Variants in AIG1 observed in about 807,000 individuals in gnomAD.
AIG1 encodes androgen induced 1.
In AIG1, 23 loss-of-function variants were observed where a neutral mutation model predicts 31.4. The ratio of observed to expected loss-of-function variants is 0.73; its 90% CI spans 0.53 to 1.04. The LOEUF is 1.04. Among genes scored for constraint, AIG1 ranks in the 50% least tolerant of loss-of-function variants. The probability of loss-of-function intolerance (pLI) is 0.00; values close to 1 mark genes in which losing one functional copy is unlikely to be tolerated. For synonymous variants in AIG1, 100 were observed against 110.5 expected, an observed-to-expected ratio of 0.90 and a Z score of 0.60; for missense variants, 274 against 295.0, an observed-to-expected ratio of 0.93 and a Z score of 0.52.
intron 3 of AIG1, among the ~76,000 whole-genome samples, chr6:143,260,914 C>T (rs1399350983): frequency 5.9e-5 from 9 of 152,130 alleles, no homozygotes; most frequent in African/African-American, 1.9e-4. Context: ...TTCACCCCCC[C>T]GCCATCCCTT....
chr6:143,208,227 T>C (rs1791277776), intron 3 of AIG1, among the ~76,000 whole-genome samples: 2 of 152,244 alleles, frequency 1.3e-5, no homozygotes, highest in South Asian at 4.1e-4. Context: ...AAAAGGTAAA[T>C]AGGAAATAAA....
chr6:143,063,190 A>G (rs1776406957), intron 1 of AIG1, among the ~76,000 whole-genome samples: 1 of 152,240 alleles, frequency 6.6e-6, no homozygotes, highest in Non-Finnish European at 1.5e-5. Flanking sequence ...CTGTCATATA[A>G]TTTATCTTTT....
rs549136056 is a variant in AIG1 at position 143,334,253 on chromosome 6, C to T, written c.679+808C>T. 6.6e-6 allele frequency among the ~76,000 whole-genome samples: 1 copy of T among 152,324 alleles called. No homozygotes were observed. Among genetic ancestry groups the T allele is most frequent in the East Asian group, 1.9e-4 (1 of 5,180 alleles). ...AAGATGGTTTGGAGATTTTAGGAAG[C>T]CCTGGCTCTTTCCTCTGACACAATC... On this transcript the variant is annotated intron_variant, in intron 5 of 5. Coordinates refer to ENST00000357847, the MANE Select transcript of AIG1 (RefSeq NM_016108.4). This position sits in a 1 kb window ranked among gnomAD's most constrained non-coding sequence, Gnocchi z 5.1.
chr6:143,309,845 A>G (rs1167717230), intron 4 of AIG1, among the ~76,000 whole-genome samples: 3 of 152,052 alleles, frequency 2.0e-5, no homozygotes, highest in Non-Finnish European at 2.9e-5. Context: ...ATCTGATGTT[A>G]GCTATATTAA....
intron 2 of AIG1, among the ~76,000 whole-genome samples, chr6:143,151,109 C>T (rs750521462): frequency 2.0e-5 from 3 of 152,110 alleles, no homozygotes; most frequent in Non-Finnish European, 4.4e-5. Context: ...TAACTCCTCC[C>T]ACTTTATTTA....
intron 2 of AIG1, among the ~76,000 whole-genome samples, chr6:143,157,447 T>C (rs1356085225): frequency 3.1e-5 from 4 of 127,792 alleles, no homozygotes; most frequent in African/African-American, 1.5e-4. Flanking sequence ...CTTTTTTTTT[T>C]TTCCTTTTTT....
At chr6:143,148,757 G>A (rs781712372) in intron 2 of AIG1, among the ~76,000 whole-genome samples, 4 of 151,626 alleles carry the variant, frequency 2.6e-5, no homozygotes, top group Non-Finnish European at 5.9e-5. Flanking sequence ...CTAGAGATTC[G>A]AGCTGCAGTG....
At chr6:143,341,499 C>G (rs1356875783), downstream of AIG1, among the ~76,000 whole-genome samples, 1 of 152,134 alleles carries the variant, frequency 6.6e-6, no homozygotes, top group Non-Finnish European at 1.5e-5. Flanking sequence ...AAAATGGGCC[C>G]TAATCCAATC....
At chr6:143,094,678 C>T (rs868671007) in intron 1 of AIG1, among the ~76,000 whole-genome samples, 1 of 152,114 alleles carries the variant, frequency 6.6e-6, no homozygotes, top group African/African-American at 2.4e-5. Flanking sequence ...AGATAAGTCT[C>T]CGTATCCTAT....
chr6:143,313,142 T>C (rs367705839), intron 4 of AIG1, among the ~76,000 whole-genome samples: 1 of 152,054 alleles, frequency 6.6e-6, no homozygotes, highest in East Asian at 1.9e-4. Flanking sequence ...GGAAAACAGT[T>C]TGGAGCCTCT....
rs1798622133 is a variant in AIG1 at position 143,298,794 on chromosome 6, A to G, written c.515+14569A>G. 1 of 152,476 alleles carries G rather than the reference A, an allele frequency of 6.6e-6. No individual in the cohort carries two copies. Among genetic ancestry groups the G allele is most frequent in the Admixed American group, 6.5e-5 (1 of 15,282 alleles). The allele number at this position is 152,476 out of a possible 1,614,324, so 9.4% of individuals were successfully genotyped here. On this transcript the variant is annotated intron_variant, in intron 4 of 5. Transcript: ENST00000357847. The surrounding 1 kb of genome is among the most constrained non-coding windows in gnomAD (Gnocchi z 5.1). The stretch of plus-strand genomic sequence containing the variant: ...AGTGGGCAATGGGCAGGTCAAACTC[A>G]TCAGACTCTTGCTTGCTATTCCACA...
At chr6:143,320,348 G>T (rs889055137) in intron 4 of AIG1, among the ~76,000 whole-genome samples, 2 of 152,132 alleles carry the variant, frequency 1.3e-5, no homozygotes, top group African/African-American at 2.4e-5. Context: ...TATGATCCAG[G>T]ATTCTAGTTA....
chr6:143,115,578 C>T (rs1781662740), intron 1 of AIG1, among the ~76,000 whole-genome samples: 1 of 152,088 alleles, frequency 6.6e-6, no homozygotes, highest in Admixed American at 6.6e-5. Context: ...GATTAAACAC[C>T]AGCTTGAGGA....
chr6:143,096,593 G>A (rs952042241), intron 1 of AIG1, among the ~76,000 whole-genome samples: 1 of 152,330 alleles, frequency 6.6e-6, no homozygotes, highest in Middle Eastern at 3.4e-3. Flanking sequence ...AAGATGAAGA[G>A]TGTTGTATTA....
intron 3 of AIG1, chr6:143,189,934 C>A: frequency 1.4e-6 from 1 of 701,544 alleles, no homozygotes; most frequent in Non-Finnish European, 1.8e-6. Flanking sequence ...AGCTGGGTGC[C>A]AGCATGGTTG....
intron 3 of AIG1, among the ~76,000 whole-genome samples, chr6:143,196,324 G>T (rs988678718): frequency 6.7e-6 from 1 of 148,220 alleles, no homozygotes; most frequent in Non-Finnish European, 1.5e-5. Context: ...CTTCTCATTT[G>T]TCAGCACATC....
intron 3 of AIG1, among the ~76,000 whole-genome samples, chr6:143,269,849 A>T (rs909250160): frequency 1.3e-5 from 2 of 152,160 alleles, no homozygotes; most frequent in African/African-American, 4.8e-5. Context: ...TCTGAAGGGG[A>T]TATTCTGGAA....
intron 3 of AIG1, among the ~76,000 whole-genome samples, chr6:143,254,409 C>T (rs1462995402): frequency 2.6e-5 from 4 of 152,158 alleles, no homozygotes; most frequent in African/African-American, 7.2e-5. Flanking sequence ...TTAAATGAGA[C>T]TCTTCCCTGG....
chr6:143,245,536 CAAG>C (rs754730738), intron 3 of AIG1, among the ~76,000 whole-genome samples: 18 of 152,120 alleles, frequency 1.2e-4, no homozygotes, highest in Non-Finnish European at 2.6e-4. Flanking sequence ...AAAATCCAAT[CAAG>C]AATAAATATT....
Sources: gnomAD v4.1 joint callset for allele counts (sites outside exome capture counted in the v4.1 genomes callset) on GRCh38, gnomAD v4.1.1 for gene constraint, Gnocchi (gnomAD v3.1) non-coding constraint, MANE v1.5 for transcripts, NCBI Gene and HGNC (gene_info 2026-07-23, HGNC 2026-07-21) for gene names.